The following EEFSEC variants were observed in gnomAD, a reference collection of about 807,000 sequenced individuals.
The protein encoded by EEFSEC is selenocysteine-specific elongation factor.
In EEFSEC, 43 loss-of-function variants were observed where a neutral mutation model predicts 42.1. That is an observed-to-expected ratio of 1.02 (90% confidence interval 0.80 to 1.32). EEFSEC has a LOEUF of 1.32. EEFSEC is among the 40% of genes most tolerant of loss of function. EEFSEC has a pLI of 0.00. For synonymous variants in EEFSEC, 354 were observed against 339.1 expected (o/e 1.04, Z -0.48); for missense variants, 745 against 803.6 (o/e 0.93, Z 0.88).
chr3:128,201,398 A>G (rs1031188567), intron 1 of EEFSEC, among the ~76,000 whole-genome samples: 2 of 152,016 alleles, frequency 1.3e-5, no homozygotes, highest in African/African-American at 4.8e-5. Flanking sequence ...AAAAAAAAAG[A>G]ATCTCATAGC....
chr3:128,259,942 C>T (rs373889199), intron 2 of EEFSEC, among the ~76,000 whole-genome samples: 1 of 151,974 alleles, frequency 6.6e-6, no homozygotes, highest in Non-Finnish European at 1.5e-5. Context: ...TGAGATGTTT[C>T]TACTTTTTGG....
At chr3:128,205,486 C>T (rs999658289) in intron 1 of EEFSEC, among the ~76,000 whole-genome samples, 1 of 152,126 alleles carries the variant, frequency 6.6e-6, no homozygotes, top group East Asian at 1.9e-4. Flanking sequence ...GTGTTCCCTC[C>T]CACAATTAAT....
In EEFSEC at chr3:128,386,695, C is replaced by A. The variant is rs185762366; in HGVS notation, c.1601-21374C>A. Among the ~76,000 whole-genome samples, 43 of 152,288 alleles carry A rather than the reference C, an allele frequency of 2.8e-4. No individual in the cohort carries two copies. The East Asian group carries it at 8.3e-3, about 29-fold the overall frequency. Reference sequence around the variant, plus strand: ...TTCTGGTGAGACCTCAGGAAGCTTACAATCATTGTGGAAGGCAAAGGGGGA... The same window carrying A: ...TTCTGGTGAGACCTCAGGAAGCTTAAAATCATTGTGGAAGGCAAAGGGGGA... On this transcript the variant is annotated intron_variant, in intron 6 of 6. Transcript: ENST00000254730.
chr3:128,171,059 T>C (rs569261452), intron 1 of EEFSEC, among the ~76,000 whole-genome samples: 1 of 152,310 alleles, frequency 6.6e-6, no homozygotes, highest in East Asian at 1.9e-4. Context: ...AATCGCAAAC[T>C]GTCCACAGGG....
intron 4 of EEFSEC, among the ~76,000 whole-genome samples, chr3:128,275,660 C>T (rs1399926945): frequency 6.6e-6 from 1 of 152,180 alleles, no homozygotes; most frequent in African/African-American, 2.4e-5. Context: ...CCAGGCAAGG[C>T]GACTGAAGCT....
Position 128,377,514 on chromosome 3 carries a change from A to T in EEFSEC, c.1600+19141A>T, listed in dbSNP as rs570790389. Among the ~76,000 whole-genome samples the T allele has an allele frequency of 7.0e-4, 107 of 152,354 alleles. 1 individual carries two copies. The highest frequency in any genetic ancestry group is 2.4e-3 in the African/African-American group (100 of 41,586). ...CCAGTAAAATGTAAAAGCACATGCAACACTCAGCAATAGCAAGAGCTGTGT... is the reference window on the plus strand; with the variant it reads ...CCAGTAAAATGTAAAAGCACATGCATCACTCAGCAATAGCAAGAGCTGTGT... On this transcript the variant is annotated intron_variant, in intron 6 of 6. Transcript: ENST00000254730.
At chr3:128,279,539 G>C (rs1293393973) in intron 4 of EEFSEC, among the ~76,000 whole-genome samples, 1 of 152,234 alleles carries the variant, frequency 6.6e-6, no homozygotes, top group Non-Finnish European at 1.5e-5. Flanking sequence ...GCACCCTTCA[G>C]GGGCCCTGCC....
At chr3:128,166,256 A>G (rs1353296021) in intron 1 of EEFSEC, among the ~76,000 whole-genome samples, 1 of 152,092 alleles carries the variant, frequency 6.6e-6, no homozygotes, top group Non-Finnish European at 1.5e-5. Context: ...GCTGACAGAC[A>G]CTTTGGCTGG....
At chr3:128,310,478 C>T (rs1293356664) in intron 4 of EEFSEC, among the ~76,000 whole-genome samples, 3 of 152,214 alleles carry the variant, frequency 2.0e-5, no homozygotes, top group Admixed American at 6.5e-5. Context: ...AACCTCGTGC[C>T]AGTGGCCTTG....
In EEFSEC at chr3:128,288,510, G is replaced by A. The variant is rs556351317; in HGVS notation, c.786+23729G>A. On this transcript the variant is annotated intron_variant, in intron 4 of 6. Coordinates refer to ENST00000254730, the MANE Select transcript of EEFSEC (RefSeq NM_021937.5). ...GACTTGTCTCTGGGACCCCAAGATA[G>A]GGCCAGGCCCAGAGCAGGAGTCAGG... Among the ~76,000 whole-genome samples, 31 of 152,322 alleles carry A rather than the reference G, an allele frequency of 2.0e-4. 1 individual carries two copies. The South Asian group carries it at 4.8e-3, about 23-fold the overall frequency.
At chr3:128,257,931 C>T (rs1450189315) in intron 2 of EEFSEC, among the ~76,000 whole-genome samples, 1 of 152,146 alleles carries the variant, frequency 6.6e-6, no homozygotes, top group East Asian at 1.9e-4. Flanking sequence ...TTAAAGTGAC[C>T]AGTGGTGGGA....
intron 6 of EEFSEC, among the ~76,000 whole-genome samples, chr3:128,381,431 G>T (rs1308295172): frequency 6.6e-6 from 1 of 152,226 alleles, no homozygotes; most frequent in Non-Finnish European, 1.5e-5. Flanking sequence ...CTGGCTTTGG[G>T]GGCTGGGCCT....
In EEFSEC at chr3:128,186,384, T is replaced by C. The variant is rs182470952; in HGVS notation, c.316+32561T>C. 2.2e-3 allele frequency among the ~76,000 whole-genome samples: 337 copies of C among 152,374 alleles called. 1 individual carries two copies. The highest frequency in any genetic ancestry group is 7.4e-3 in the African/African-American group (307 of 41,594). On this transcript the variant is annotated intron_variant, in intron 1 of 6. Transcript: ENST00000254730. Reference sequence around the variant, plus strand: ...CCCATTCTGTGGGTTGTCTTTTCACTTTCTTGATAGTGTCCTTTGAAGCAC... The same window carrying C: ...CCCATTCTGTGGGTTGTCTTTTCACCTTCTTGATAGTGTCCTTTGAAGCAC...
chr3:128,425,865 T>G, the EEFSEC span, among the ~76,000 whole-genome samples: 1 of 152,110 alleles, frequency 6.6e-6, no homozygotes, highest in South Asian at 2.1e-4. Flanking sequence ...GAGGTGAGTT[T>G]GAACCGAGAT....
chr3:128,158,278 CATT>C (rs1273233529), intron 1 of EEFSEC, among the ~76,000 whole-genome samples: 3 of 152,306 alleles, frequency 2.0e-5, no homozygotes, highest in East Asian at 1.9e-4. Context: ...ATGCTGTAAA[CATT>C]GTTGAAATGA....
chr3:128,396,578 A>G (rs762488500), intron 6 of EEFSEC, among the ~76,000 whole-genome samples: 3 of 152,092 alleles, frequency 2.0e-5, no homozygotes, highest in Non-Finnish European at 1.5e-5. Flanking sequence ...ACAGCTGCTG[A>G]GAGCTGGGAC....
intron 4 of EEFSEC, among the ~76,000 whole-genome samples, chr3:128,289,068 G>A (rs961123534): frequency 7.9e-5 from 12 of 152,254 alleles, no homozygotes; most frequent in Admixed American, 2.6e-4. Flanking sequence ...CAGCTTCCTC[G>A]CCCAGCATAG....
chr3:128,331,226 C>A (rs1345748645), intron 4 of EEFSEC, among the ~76,000 whole-genome samples: 1 of 65,096 alleles, frequency 1.5e-5, no homozygotes, highest in African/African-American at 6.7e-5. Flanking sequence ...CCTCTTCTCC[C>A]CTTCCTCAGT....
chr3:128,303,673 G>GT (rs927812732), intron 4 of EEFSEC, among the ~76,000 whole-genome samples: 2 of 151,790 alleles, frequency 1.3e-5, no homozygotes, highest in African/African-American at 2.4e-5. Context: ...TTTTGACTTG[G>GT]TTTTTTTTAT....
Sources: allele counts gnomAD v4.1 joint callset (sites outside exome capture counted in the v4.1 genomes callset), GRCh38; gene constraint gnomAD v4.1.1; transcripts MANE v1.5; gene names NCBI Gene and HGNC (gene_info 2026-07-23, HGNC 2026-07-21).